Variants in POMP observed in about 807,000 individuals in gnomAD.
The protein encoded by POMP is proteasome maturation protein, also known as 2510048O06Rik.
POMP carries 12 observed loss-of-function variants against 20.6 expected under a neutral mutation model. The ratio of observed to expected loss-of-function variants is 0.58; its 90% confidence interval spans 0.37 to 0.94. The LOEUF is 0.94. Ranked by LOEUF, POMP falls within the 40% of genes least tolerant of loss-of-function variation. The pLI, the probability that POMP is intolerant of heterozygous loss-of-function variation, is 0.01. For synonymous variants in POMP, 53 were observed against 55.0 expected (o/e 0.96, Z 0.16); for missense variants, 136 against 161.1 (o/e 0.84, Z 0.84).
At chr13:28,674,674 TCAGAATGCAAAAAAAGGCCATTGAG>T (rs1271354147) in intron 5 of POMP, among the ~76,000 whole-genome samples, 1 of 151,988 alleles carries the variant, frequency 6.6e-6, no homozygotes, top group Non-Finnish European at 1.5e-5. Flanking sequence ...TAGAATTTCT[TCAGAATGCAAAAAAAGGCCATTGAG>T]CAGTTTTAAG....
chr13:28,660,777 A>G (rs1178476701), intron 1 of POMP, among the ~76,000 whole-genome samples: 2 of 152,216 alleles, frequency 1.3e-5, no homozygotes, highest in African/African-American at 4.8e-5. Context: ...GGTCCAGGCT[A>G]AGGAGTCTGA....
chr13:28,667,734 G>A lies in POMP; in HGVS notation c.163-739G>A, dbSNP rs544283778. ...ACCTCATTATAATCACCTTAGCTCA[G>A]ACAAATCTTTGTAACAGTCTGTTTG... On this transcript the variant is annotated intron_variant, in intron 3 of 5. Transcript: ENST00000380842. Among the ~76,000 whole-genome samples, 55 of 152,274 alleles carry A rather than the reference G, an allele frequency of 3.6e-4. 2 individuals carry two copies. Among genetic ancestry groups the A allele is most frequent in the Admixed American group, 1.4e-3 (21 of 15,296 alleles).
chr13:28,669,739 G>C (rs1566108900), intron 4 of POMP, among the ~76,000 whole-genome samples: 1 of 152,144 alleles, frequency 6.6e-6, no homozygotes, highest in Admixed American at 6.5e-5. Context: ...TAAAATGCCA[G>C]TTTTGTTAGT....
chr13:28,677,999 G>A (rs1450580525), intron 5 of POMP, 36 bp from the exon 6 acceptor site: 1 of 1,590,334 alleles, frequency 6.3e-7, no homozygotes, highest in African/African-American at 1.3e-5. Flanking sequence ...TCTTTTTTGA[G>A]AGTCTTTTAA....
At chr13:28,675,837 T>C (rs547194717) in intron 5 of POMP, among the ~76,000 whole-genome samples, 1 of 152,136 alleles carries the variant, frequency 6.6e-6, no homozygotes, top group South Asian at 2.1e-4. Flanking sequence ...CAGTGAATTA[T>C]ATGGCGAGAG....
chr13:28,677,212 T>C (rs1405373852), intron 5 of POMP, among the ~76,000 whole-genome samples: 2 of 151,156 alleles, frequency 1.3e-5, no homozygotes, highest in Admixed American at 6.6e-5. Flanking sequence ...TTTTTTTTTT[T>C]AAGTTGAGGT....
At chr13:28,669,529 C>A (rs551999826) in intron 4 of POMP, among the ~76,000 whole-genome samples, 9 of 152,240 alleles carry the variant, frequency 5.9e-5, no homozygotes, top group African/African-American at 2.2e-4. Context: ...TCACTTGCTA[C>A]CTCGCCTGGC....
intron 3 of POMP, among the ~76,000 whole-genome samples, chr13:28,667,872 A>G (rs1170016533): frequency 6.6e-6 from 1 of 152,222 alleles, no homozygotes; most frequent in Admixed American, 6.5e-5. Flanking sequence ...AGTTCCCTAA[A>G]TGTAATATCA....
At chr13:28,662,646 G>T (rs1199129821) in intron 2 of POMP, 139 bp downstream of exon 2, 10 of 719,858 alleles carry the variant, frequency 1.4e-5, no homozygotes, top group Non-Finnish European at 1.9e-5. Flanking sequence ...GTGCAGAGGG[G>T]AAGAGGCTTA....
rs748391218 is a variant in POMP at position 28,664,576 on chromosome 13, A to T, written c.162+7A>T. 54 of 1,455,052 alleles carry T rather than the reference A, an allele frequency of 3.7e-5. No individual in the cohort carries two copies. The highest frequency in any genetic ancestry group is 5.0e-5 in the Non-Finnish European group (52 of 1,040,198). 90.1% of individuals were successfully genotyped at this position (1,455,052 alleles called of 1,614,324 possible). On this transcript the variant is annotated splice_region_variant and intron_variant, in intron 3 of 5. Coordinates refer to ENST00000380842, the MANE Select transcript of POMP (RefSeq NM_015932.6). ...TGAATTATCAGAAAAAAATGTAAGT[A>T]TATTATTATGTCCTTATTTTTATCT...
rs1884562895 is a variant in POMP, at chr13:28,672,323, A to G, written c.265-16A>G. The G allele has an allele frequency of 1.3e-6, 2 of 1,563,066 alleles. No homozygotes were observed. The highest frequency in any genetic ancestry group is 1.8e-6 in the Non-Finnish European group (2 of 1,133,698). ...GAGTTTTTTCTAATCTTGTCCCTTCATACTTTTCCCCAAAGGTTCAGCGTC... is the reference window on the plus strand; with the variant it reads ...GAGTTTTTTCTAATCTTGTCCCTTCGTACTTTTCCCCAAAGGTTCAGCGTC... On this transcript the variant is annotated splice_polypyrimidine_tract_variant and intron_variant, in intron 4 of 5. Transcript: ENST00000380842.
At chr13:28,672,032 G>A (rs1451144244) in intron 4 of POMP, among the ~76,000 whole-genome samples, 1 of 152,186 alleles carries the variant, frequency 6.6e-6, no homozygotes, top group Non-Finnish European at 1.5e-5. Context: ...GAGGCGTGAT[G>A]TTAAGCTCTG....
intron 3 of POMP, 24 bp downstream of exon 3, chr13:28,664,593 T>C (rs1412760107): frequency 1.5e-6 from 2 of 1,306,458 alleles, no homozygotes; most frequent in East Asian, 2.4e-5. Context: ...TATGTCCTTA[T>C]TTTTATCTTC....
At position 28,676,059 on chromosome 13, in the gene POMP, C is replaced by T. The variant is rs1012592176; in HGVS notation, c.359-1976C>T. Among the ~76,000 whole-genome samples the T allele has an allele frequency of 5.9e-5, 9 of 152,178 alleles. No individual in the cohort carries two copies. The East Asian group carries it at 1.4e-3, about 23-fold the overall frequency. The stretch of plus-strand genomic sequence containing the variant: ...TCTCTCTGTCACCCAGGCTGGAGTG[C>T]AGTGGCGCGATCTCTGCTCACTGCA... On this transcript the variant is annotated intron_variant, in intron 5 of 5. Transcript: ENST00000380842.
intron 4 of POMP, among the ~76,000 whole-genome samples, chr13:28,670,480 A>G (rs940241315): frequency 2.6e-5 from 4 of 152,052 alleles, no homozygotes; most frequent in Non-Finnish European, 4.4e-5. Context: ...CTGCCCCTCC[A>G]ATCCTTGTTA....
In POMP at chr13:28,664,519, G is replaced by C. The variant is rs148838797; in HGVS notation, c.112G>C (p.Val38Leu). The C allele has an allele frequency of 4.4e-6, 7 of 1,574,532 alleles. No homozygotes were observed. The highest frequency in any genetic ancestry group is 1.4e-5 in the African/African-American group (1 of 73,508). Residue 38 changes from valine to leucine, a missense_variant, in exon 3 of 6, where the codon GTG (valine) becomes CTG (leucine). Coordinates refer to ENST00000380842, the MANE Select transcript of POMP (RefSeq NM_015932.6). ...TTAATGTCCTTTCAGTTTTTCTTGT[G>C]TGAAAAATGAACTTTTGCCTAGTCA... is the stretch of plus-strand genomic sequence containing the variant. ...HDLLRKGFSCVKNELLPSHPL... is the reference protein window; with the variant it reads ...HDLLRKGFSCLKNELLPSHPL...
chr13:28,672,313 T>C (rs757454469), intron 4 of POMP, 26 bp from the exon 5 acceptor site: 1 of 1,501,168 alleles, frequency 6.7e-7, no homozygotes, highest in Non-Finnish European at 9.3e-7. Flanking sequence ...TTTTCTAATC[T>C]TGTCCCTTCA....
At chr13:28,662,621 T>C in intron 2 of POMP, 114 bp downstream of exon 2, 1 of 854,016 alleles carries the variant, frequency 1.2e-6, no homozygotes, top group East Asian at 2.5e-5. Flanking sequence ...TGGCAAGTAA[T>C]ATACCTTACA....
intron 5 of POMP, among the ~76,000 whole-genome samples, chr13:28,673,201 GCTGGGATTACAGGCA>G (rs1213974481): frequency 1.3e-5 from 2 of 151,518 alleles, no homozygotes; most frequent in African/African-American, 4.9e-5. Flanking sequence ...CTCCCAAGTA[GCTGGGATTACAGGCA>G]CCCATCACCA....
Sources: allele counts gnomAD v4.1 joint callset (sites outside exome capture counted in the v4.1 genomes callset), GRCh38; gene constraint gnomAD v4.1.1; transcripts MANE v1.5; gene names NCBI Gene and HGNC (gene_info 2026-07-23, HGNC 2026-07-21).